PPP2R2A: variants seen among roughly 807,000 people sequenced by gnomAD.
The protein encoded by PPP2R2A is serine/threonine-protein phosphatase 2A 55 kDa regulatory subunit B alpha isoform.
PPP2R2A carries 9 observed loss-of-function variants against 53.2 expected under a neutral mutation model. The ratio of observed to expected loss-of-function variants is 0.17; its 90% CI spans 0.10 to 0.30. PPP2R2A has a LOEUF of 0.30. Among genes scored for constraint, PPP2R2A ranks in the 10% least tolerant of loss-of-function variants. The probability of loss-of-function intolerance (pLI) is 1.00; values close to 1 mark genes in which losing one functional copy is unlikely to be tolerated. For synonymous variants in PPP2R2A, 169 were observed against 174.2 expected (o/e 0.97, Z 0.23); for missense variants, 235 against 534.6 (o/e 0.44, Z 5.53).
intron 8 of PPP2R2A, chr8:26,365,196 G>C (rs1434009589): frequency 6.6e-6 from 1 of 152,182 alleles, no homozygotes; most frequent in Non-Finnish European, 1.5e-5. Flanking sequence ...GTGATTAAAA[G>C]TAGTCACATT....
chr8:26,360,419 G>T lies in PPP2R2A; in HGVS notation c.459+138G>T. The T allele has an allele frequency of 1.9e-6, 1 of 525,670 alleles. No homozygotes were observed. The highest frequency in any genetic ancestry group is 3.3e-5 in the South Asian group (1 of 30,022). 32.6% of individuals were successfully genotyped at this position (525,670 alleles called of 1,614,324 possible). A position where few individuals can be genotyped will look rare whatever the true frequency, so the allele number is the denominator to read the frequency against. Reference sequence around the variant, plus strand: ...TAATTCTGTAATCAGGTAGGACATTGAGTAACTCATTTAAACATAGAAACT... The same window carrying T: ...TAATTCTGTAATCAGGTAGGACATTTAGTAACTCATTTAAACATAGAAACT... On this transcript the variant is annotated intron_variant, in intron 5 of 9. Transcript: ENST00000380737. The surrounding 1 kb of genome is among the most constrained non-coding windows in gnomAD (Gnocchi z 4.5).
chr8:26,370,444 C>T lies in PPP2R2A; in HGVS notation c.*31C>T. 6.2e-7 allele frequency: 1 copy of T among 1,604,730 alleles called. No homozygotes were observed. The highest frequency in any genetic ancestry group is 8.5e-7 in the Non-Finnish European group (1 of 1,172,850). ...GCATTCCTAGCAGAAGAACCCACTT[C>T]CTGCTTAGTTGAGATAGTTGAATCT... On this transcript the variant is annotated 3_prime_UTR_variant, in exon 10 of 10. Transcript: ENST00000380737. The surrounding 1 kb of genome is among the most constrained non-coding windows in gnomAD (Gnocchi z 6.1).
intron 9 of PPP2R2A, among the ~76,000 whole-genome samples, chr8:26,369,074 C>G (rs376041604): frequency 3.9e-3 from 584 of 150,178 alleles, no homozygotes; most frequent in African/African-American, 0.013. Flanking sequence ...CACCACTGCA[C>G]TCCAGCCTGG....
intron 6 of PPP2R2A, 50 bp downstream of exon 6, chr8:26,361,201 C>A: frequency 6.8e-7 from 1 of 1,474,672 alleles, no homozygotes; most frequent in Non-Finnish European, 9.1e-7. Flanking sequence ...ATGTTGTGCC[C>A]ATATTAGATT....
intron 2 of PPP2R2A, among the ~76,000 whole-genome samples, chr8:26,300,101 CT>C (rs1440711433): frequency 6.6e-6 from 1 of 152,132 alleles, no homozygotes; most frequent in Non-Finnish European, 1.5e-5. Context: ...TTTTAAAATA[CT>C]AAGTTTTTTC....
At chr8:26,332,262 A>T (rs1803419475) in intron 2 of PPP2R2A, among the ~76,000 whole-genome samples, 1 of 151,262 alleles carries the variant, frequency 6.6e-6, no homozygotes, top group South Asian at 2.1e-4. Context: ...CAAGAGGCTG[A>T]GGCAGGGAGA....
rs368750746 is a variant in PPP2R2A, at chr8:26,314,467, CT to C, written c.82+20730del. 5.0e-3 allele frequency among the ~76,000 whole-genome samples: 697 copies of C among 140,478 alleles called. 4 individuals are homozygous for C. The highest frequency in any genetic ancestry group is 0.016 in the African/African-American group (661 of 40,750). 92.2% of individuals were successfully genotyped at this position (140,478 alleles called of 152,430 possible). Reference sequence around the variant, plus strand: ...TTGTTCTTGGATCTCACATCTTTTTCTTTCTTGTTTTATGCTATTATTTTGG... The same window carrying C: ...TTGTTCTTGGATCTCACATCTTTTTCTTCTTGTTTTATGCTATTATTTTGG... On this transcript the variant is annotated intron_variant, in intron 2 of 9. Transcript: ENST00000380737.
chr8:26,326,272 T>C (rs1003338493), intron 2 of PPP2R2A, among the ~76,000 whole-genome samples: 1 of 152,228 alleles, frequency 6.6e-6, no homozygotes, highest in Non-Finnish European at 1.5e-5. Context: ...TTGCTTAGGT[T>C]CCTCCCAGTT....
rs886073052 is a variant in PPP2R2A, at chr8:26,371,452, A to G, written c.*1039A>G. On this transcript the variant is annotated 3_prime_UTR_variant, in exon 10 of 10. Transcript: ENST00000380737. ...ATGAAATTGTTGTAAATGGGAACCA[A>G]ATTTGTAGAACTTAATTTCTACTTT... 5 of 151,892 alleles carry G rather than the reference A, an allele frequency of 3.3e-5. No homozygotes were observed. The highest frequency in any genetic ancestry group is 1.2e-4 in the African/African-American group (5 of 41,360). The allele number at this position is 151,892 out of a possible 1,614,324, so 9.4% of individuals were successfully genotyped here.
chr8:26,314,262 A>T (rs1802430855), intron 2 of PPP2R2A, among the ~76,000 whole-genome samples: 1 of 152,198 alleles, frequency 6.6e-6, no homozygotes, highest in South Asian at 2.1e-4. Flanking sequence ...ATATTGAAGC[A>T]CATCAGATGT....
Position 26,360,161 on chromosome 8 carries a change from C to A in PPP2R2A, c.347-8C>A, listed in dbSNP as rs767402085. The A allele has an allele frequency of 6.8e-5, 99 of 1,461,088 alleles. No homozygotes were observed. Among genetic ancestry groups the A allele is most frequent in the Non-Finnish European group, 8.4e-5 (89 of 1,064,096 alleles). The allele number at this position is 1,461,088 out of a possible 1,614,324, so 90.5% of individuals were successfully genotyped here. A position where few individuals can be genotyped will look rare whatever the true frequency, so the allele number is the denominator to read the frequency against. On this transcript the variant is annotated splice_polypyrimidine_tract_variant and splice_region_variant and intron_variant, in intron 4 of 9. Coordinates refer to ENST00000380737, the MANE Select transcript of PPP2R2A (RefSeq NM_002717.4). The surrounding 1 kb of genome is among the most constrained non-coding windows in gnomAD (Gnocchi z 4.5). Reference sequence around the variant, plus strand: ...TATTTTAAGGACTTTTCTTTATTTTCTTCCCAGATAAAACAATAAAATTAT... The same window carrying A: ...TATTTTAAGGACTTTTCTTTATTTTATTCCCAGATAAAACAATAAAATTAT...
At position 26,362,944 on chromosome 8, in the gene PPP2R2A, C is replaced by T; in HGVS notation, c.802+96C>T. 2.4e-6 allele frequency: 3 copies of T among 1,236,944 alleles called. No homozygotes were observed. The South Asian group carries it at 4.0e-5, about 16-fold the overall frequency. 76.6% of individuals were successfully genotyped at this position (1,236,944 alleles called of 1,614,324 possible). ...AAGTACAATTACAGAGGTTCAAAGT[C>T]TTAAACCCGTGTGTCCAGAGCCACT... On this transcript the variant is annotated intron_variant, in intron 7 of 9. Coordinates refer to ENST00000380737, the MANE Select transcript of PPP2R2A (RefSeq NM_002717.4). This position sits in a 1 kb window ranked among gnomAD's most constrained non-coding sequence, Gnocchi z 4.4.
chr8:26,352,545 A>T (rs1804572477), intron 3 of PPP2R2A, among the ~76,000 whole-genome samples: 1 of 152,198 alleles, frequency 6.6e-6, no homozygotes, highest in Non-Finnish European at 1.5e-5. Context: ...GGGGAGGCTA[A>T]TGCATGTGCT....
rs1805628482 is a variant in PPP2R2A at position 26,370,695 on chromosome 8, A to G, written c.*282A>G. ...TAATGGACTAGATTGGACTGTATCA[A>G]CATTGATTTACTCCACTTTTTATGC... is the stretch of plus-strand genomic sequence containing the variant. On this transcript the variant is annotated 3_prime_UTR_variant, in exon 10 of 10. Coordinates refer to ENST00000380737, the MANE Select transcript of PPP2R2A (RefSeq NM_002717.4). This position sits in a 1 kb window ranked among gnomAD's most constrained non-coding sequence, Gnocchi z 6.1. 2 of 421,052 alleles carry G rather than the reference A, an allele frequency of 4.8e-6. No homozygotes were observed. The highest frequency in any genetic ancestry group is 4.0e-5 in the African/African-American group (2 of 50,440). 26.1% of individuals were successfully genotyped at this position (421,052 alleles called of 1,614,324 possible).
rs1804659574 is a variant in PPP2R2A, at chr8:26,354,177, T to C, written c.181-291T>C. Reference sequence around the variant, plus strand: ...TTTCATCAGTTTTTTTCATAGACTATACCATCAAATACATAAGAGTAAATT... The same window carrying C: ...TTTCATCAGTTTTTTTCATAGACTACACCATCAAATACATAAGAGTAAATT... On this transcript the variant is annotated intron_variant, in intron 3 of 9. Transcript: ENST00000380737. This position sits in a 1 kb window ranked among gnomAD's most constrained non-coding sequence, Gnocchi z 4.6. Among the ~76,000 whole-genome samples, 5 of 152,148 alleles carry C rather than the reference T, an allele frequency of 3.3e-5. No homozygotes were observed. The highest frequency in any genetic ancestry group is 3.3e-4 in the Admixed American group (5 of 15,274).
chr8:26,307,715 C>G (rs1414514025), intron 2 of PPP2R2A, among the ~76,000 whole-genome samples: 1 of 152,154 alleles, frequency 6.6e-6, no homozygotes, highest in Admixed American at 6.5e-5. Flanking sequence ...AAAATAAGTG[C>G]TCAAGAGACT....
rs774116320 is a variant in PPP2R2A, at chr8:26,360,909, A to C, written c.460-65A>C. The C allele has an allele frequency of 5.8e-5, 84 of 1,453,570 alleles. No individual in the cohort carries two copies. Among genetic ancestry groups the C allele is most frequent in the Non-Finnish European group, 7.0e-5 (75 of 1,077,038 alleles). 90.0% of individuals were successfully genotyped at this position (1,453,570 alleles called of 1,614,324 possible). ...AAAACTGAAATAATGAAGTTTTCTG[A>C]ATCTTAATTGCTATTTGAAACTGAG... On this transcript the variant is annotated intron_variant, in intron 5 of 9. Transcript: ENST00000380737. This position sits in a 1 kb window ranked among gnomAD's most constrained non-coding sequence, Gnocchi z 4.5.
chr8:26,308,626 A>G (rs971260994), intron 2 of PPP2R2A, among the ~76,000 whole-genome samples: 1 of 152,028 alleles, frequency 6.6e-6, no homozygotes, highest in Non-Finnish European at 1.5e-5. Context: ...TATTTCCACT[A>G]CTTCTGCAGT....
intron 4 of PPP2R2A, chr8:26,359,068 A>G (rs142838455): frequency 2.3e-5 from 9 of 386,966 alleles, no homozygotes; most frequent in East Asian, 7.4e-5. Flanking sequence ...CCTTTGAACA[A>G]TGCTGTGAGA....
Sources: gnomAD v4.1 joint callset for allele counts (sites outside exome capture counted in the v4.1 genomes callset) on GRCh38, gnomAD v4.1.1 for gene constraint, Gnocchi (gnomAD v3.1) non-coding constraint, MANE v1.5 for transcripts, NCBI Gene and HGNC (gene_info 2026-07-23, HGNC 2026-07-21) for gene names.